Variants in ADAMTS1 observed in about 807,000 individuals in gnomAD.
ADAMTS1 encodes the protein ADAM metallopeptidase with thrombospondin type 1 motif 1, also known as A disintegrin and metalloproteinase with thrombospondin motifs 1.
ADAMTS1 carries 19 observed loss-of-function variants against 87.9 expected under a neutral mutation model. The observed-to-expected ratio is 0.22, with a 90% CI of 0.15 to 0.32. The LOEUF (loss-of-function observed/expected upper bound fraction) is 0.32. Among genes scored for constraint, ADAMTS1 ranks in the 10% least tolerant of loss-of-function variants. ADAMTS1 has a pLI of 1.00. For synonymous variants in ADAMTS1, 542 were observed against 501.8 expected (o/e 1.08, Z -1.07); for missense variants, 1,240 against 1,259.1 (o/e 0.98, Z 0.23).
In ADAMTS1 at chr21:26,841,136, C is replaced by G; in HGVS notation, c.1240G>C (p.Ala414Pro). 6.2e-7 allele frequency: 1 copy of G among 1,614,138 alleles called. No individual in the cohort carries two copies. The highest frequency in any genetic ancestry group is 8.5e-7 in the Non-Finnish European group (1 of 1,180,024). Residue 414 changes from alanine (A) to proline (P), a missense_variant, in exon 4 of 9, where the codon GCA becomes CCA. Transcript: ENST00000284984. ...GHVFNMPHDDAKQCASLNGVN... is the reference protein window; with the variant it reads ...GHVFNMPHDDPKQCASLNGVN... ...CCATTAAGGCTGGCACACTGCTTTGCATCATCATGTGGCATGTTAAACACG... is the reference window on the plus strand; with the variant it reads ...CCATTAAGGCTGGCACACTGCTTTGGATCATCATGTGGCATGTTAAACACG...
chr21:26,844,208 G>C lies in ADAMTS1; in HGVS notation c.730+17C>G. 1 of 1,527,454 alleles carries C rather than the reference G, an allele frequency of 6.5e-7. No individual in the cohort carries two copies. Among genetic ancestry groups the C allele is most frequent in the Non-Finnish European group, 8.8e-7 (1 of 1,137,192 alleles). 94.6% of individuals were successfully genotyped at this position (1,527,454 alleles called of 1,614,324 possible). On this transcript the variant is annotated intron_variant, in intron 1 of 8. Transcript: ENST00000284984. ...GAGGAGGATGAATGGACAGACAAACGAGAGCAATTCTTCTACCTGTGGGCT... is the reference window on the plus strand; with the variant it reads ...GAGGAGGATGAATGGACAGACAAACCAGAGCAATTCTTCTACCTGTGGGCT...
chr21:26,837,788 C>T lies in ADAMTS1; in HGVS notation c.2695G>A (p.Ala899Thr), dbSNP rs1213068517. 1 of 1,614,084 alleles carries T rather than the reference C, an allele frequency of 6.2e-7. No individual in the cohort carries two copies. Among genetic ancestry groups the T allele is most frequent in the African/African-American group, 1.3e-5 (1 of 74,934 alleles). ...ASECAKEVKP[A>T]STRPCADHPC... is the part of the protein sequence containing the mutation. Reference sequence around the variant, plus strand: ...TGGTCTGCACAAGGTCTGGTGCTGGCTGGCTTCACTTCCTTTGCACACTCG... The same window carrying T: ...TGGTCTGCACAAGGTCTGGTGCTGGTTGGCTTCACTTCCTTTGCACACTCG... The change falls in exon 9 of 9, where the codon GCC becomes ACC. Residue 899 changes from alanine to threonine, a missense_variant. Physicochemically the swap from Ala to Thr is moderately conservative, Grantham distance 58. Coordinates refer to ENST00000284984, the MANE Select transcript of ADAMTS1 (RefSeq NM_006988.5).
In ADAMTS1 at chr21:26,845,380, C is replaced by T. The variant is rs952532861; in HGVS notation, c.-426G>A. On this transcript the variant is annotated 5_prime_UTR_variant, in exon 1 of 9. Transcript: ENST00000284984. Reference sequence around the variant, plus strand: ...AGCGCACCCTGGCTTTGCAATAGCCCCTGGCTCGGAGCCGCTTTCCAGCGA... The same window carrying T: ...AGCGCACCCTGGCTTTGCAATAGCCTCTGGCTCGGAGCCGCTTTCCAGCGA... 4.8e-5 allele frequency: 8 copies of T among 166,170 alleles called. No individual in the cohort carries two copies. The highest frequency in any genetic ancestry group is 1.9e-4 in the African/African-American group (8 of 42,226). 10.3% of individuals were successfully genotyped at this position (166,170 alleles called of 1,614,324 possible).
chr21:26,845,031 C>A lies in ADAMTS1; in HGVS notation c.-77G>T. ...AGTTCGGGTCGGGAGAGCAAAGCCTCGTTGGCCTGCTCTGGATTGTTAAAA... is the reference window on the plus strand; with the variant it reads ...AGTTCGGGTCGGGAGAGCAAAGCCTAGTTGGCCTGCTCTGGATTGTTAAAA... On this transcript the variant is annotated 5_prime_UTR_variant, in exon 1 of 9. Coordinates refer to ENST00000284984, the MANE Select transcript of ADAMTS1 (RefSeq NM_006988.5). 2 of 1,449,320 alleles carry A rather than the reference C, an allele frequency of 1.4e-6. No individual in the cohort carries two copies. The highest frequency in any genetic ancestry group is 3.1e-5 in the South Asian group (2 of 64,276). 89.8% of individuals were successfully genotyped at this position (1,449,320 alleles called of 1,614,324 possible). A position where few individuals can be genotyped will look rare whatever the true frequency, so the allele number is the denominator to read the frequency against.
In ADAMTS1 at chr21:26,844,360, C is replaced by T; in HGVS notation, c.595G>A (p.Gly199Arg). 5 of 1,598,158 alleles carry T rather than the reference C, an allele frequency of 3.1e-6. No homozygotes were observed. Among genetic ancestry groups the T allele is most frequent in the South Asian group, 1.1e-5 (1 of 89,258 alleles). ...NRQGDVGGTC[G>R]VVDDEPRPTG... ...GGCCGGGGCTCGTCGTCCACGACCC[C>T]GCACGTGCCGCCGACGTCGCCCTGC... The change falls in exon 1 of 9, where the codon GGG becomes AGG. Residue 199 changes from glycine to arginine, a missense_variant. Physicochemically the swap from Gly to Arg is moderately radical, Grantham distance 125. Coordinates refer to ENST00000284984, the MANE Select transcript of ADAMTS1 (RefSeq NM_006988.5).
intron 1 of ADAMTS1, 98 bp downstream of exon 1, chr21:26,844,127 T>C (rs1601924492): frequency 7.0e-7 from 1 of 1,436,094 alleles, no homozygotes. Flanking sequence ...GGACTTATGA[T>C]CCTGCCTGCC....
At chr21:26,838,412 T>TAAA (rs1337296442) in intron 8 of ADAMTS1, 27 bp downstream of exon 8, 1 of 1,613,028 alleles carries the variant, frequency 6.2e-7, no homozygotes, top group Admixed American at 1.7e-5. Context: ...AATTATAAGG[T>TAAA]CTGCAAATAG....
intron 5 of ADAMTS1, 24 bp downstream of exon 5, chr21:26,840,252 A>G (rs757537023): frequency 6.2e-7 from 1 of 1,603,936 alleles, no homozygotes; most frequent in Admixed American, 1.7e-5. Context: ...TCAATTCTGA[A>G]TGTGTTTCAG....
chr21:26,835,941 T>C lies in ADAMTS1; in HGVS notation c.*1638A>G, dbSNP rs1601920279. ...CACAGTTGAGCAGTTGTGACATAGATGGTATTGACAGGATAGTTATTGACA... is the reference window on the plus strand; with the variant it reads ...CACAGTTGAGCAGTTGTGACATAGACGGTATTGACAGGATAGTTATTGACA... On this transcript the variant is annotated 3_prime_UTR_variant, in exon 9 of 9. Transcript: ENST00000284984. 6.6e-6 allele frequency: 1 copy of C among 152,342 alleles called. No homozygotes were observed. Among genetic ancestry groups the C allele is most frequent in the Non-Finnish European group, 1.5e-5 (1 of 68,030 alleles). 9.4% of individuals were successfully genotyped at this position (152,342 alleles called of 1,614,324 possible). A position where few individuals can be genotyped will look rare whatever the true frequency, so the allele number is the denominator to read the frequency against.
chr21:26,843,048 C>A (rs770335342), intron 1 of ADAMTS1: 103 of 282,886 alleles, frequency 3.6e-4, no homozygotes, highest in Non-Finnish European at 6.5e-4. Flanking sequence ...GTCACTCTTT[C>A]ACAGGCGAGG....
intron 3 of ADAMTS1, 191 bp from the exon 4 acceptor site, chr21:26,841,356 G>C (rs1432493476): frequency 3.7e-6 from 2 of 540,158 alleles, no homozygotes; most frequent in Admixed American, 3.3e-5. Context: ...GCATGCACCT[G>C]TAATCCCAGC....
chr21:26,843,222 G>A (rs913406817), intron 1 of ADAMTS1, among the ~76,000 whole-genome samples: 1 of 152,164 alleles, frequency 6.6e-6, no homozygotes, highest in Non-Finnish European at 1.5e-5. Flanking sequence ...CCGGGCACAA[G>A]GACCACCCAC....
Position 26,845,129 on chromosome 21 carries a change from G to T in ADAMTS1, c.-175C>A. On this transcript the variant is annotated 5_prime_UTR_variant, in exon 1 of 9. Transcript: ENST00000284984. The stretch of plus-strand genomic sequence containing the variant: ...GCCGAAGCTCCCGGAGTCACTAAAA[G>T]GAGGCGCTGCAGTTCTGCCGGCGCG... 1 of 843,154 alleles carries T rather than the reference G, an allele frequency of 1.2e-6. No homozygotes were observed. The highest frequency in any genetic ancestry group is 1.6e-6 in the Non-Finnish European group (1 of 625,450). The allele number at this position is 843,154 out of a possible 1,614,324, so 52.2% of individuals were successfully genotyped here. A position where few individuals can be genotyped will look rare whatever the true frequency, so the allele number is the denominator to read the frequency against.
At position 26,839,895 on chromosome 21, in the gene ADAMTS1, T is replaced by A. The variant is rs1985454672; in HGVS notation, c.1832A>T (p.Glu611Val). The change falls in exon 6 of 9, where the codon GAG becomes GTG. Residue 611 changes from glutamate to valine, a missense_variant. Physicochemically the swap from Glu to Val is moderately radical, Grantham distance 121 (BLOSUM62 -2). Coordinates refer to ENST00000284984, the MANE Select transcript of ADAMTS1 (RefSeq NM_006988.5). ...KRVRYRSCNL[E>V]DCPDNNGKTF... ...CTCACCATTATTGTCTGGACAGTCC[T>A]CAAGGTTACAGGATCTGTAGCGCAC... is the stretch of plus-strand genomic sequence containing the variant. 1 of 1,614,074 alleles carries A rather than the reference T, an allele frequency of 6.2e-7. No homozygotes were observed. The highest frequency in any genetic ancestry group is 1.7e-5 in the Admixed American group (1 of 60,016).
At position 26,837,146 on chromosome 21, in the gene ADAMTS1, A is replaced by T. The variant is rs146185081; in HGVS notation, c.*433T>A. On this transcript the variant is annotated 3_prime_UTR_variant, in exon 9 of 9. Coordinates refer to ENST00000284984, the MANE Select transcript of ADAMTS1 (RefSeq NM_006988.5). ...TTCTCCCCCCATTGTTAGTGAGGTA[A>T]AGTAAAACAGGTCTTAGTAAAATCT... is the stretch of plus-strand genomic sequence containing the variant. The T allele has an allele frequency of 3.6e-3, 600 of 166,656 alleles. 16 individuals are homozygous for T. Among genetic ancestry groups the T allele is most frequent in the Admixed American group, 0.026 (468 of 18,146 alleles). 10.3% of individuals were successfully genotyped at this position (166,656 alleles called of 1,614,324 possible).
At chr21:26,838,415 G>C in intron 8 of ADAMTS1, 24 bp downstream of exon 8, 2 of 1,613,318 alleles carry the variant, frequency 1.2e-6, no homozygotes, top group Non-Finnish European at 1.7e-6. Flanking sequence ...TATAAGGTCT[G>C]CAAATAGGTG....
In ADAMTS1 at chr21:26,844,795, A is replaced by G; in HGVS notation, c.160T>C (p.Ser54Pro). 1 of 1,545,484 alleles carries G rather than the reference A, an allele frequency of 6.5e-7. No homozygotes were observed. Among genetic ancestry groups the G allele is most frequent in the Non-Finnish European group, 8.7e-7 (1 of 1,144,198 alleles). ...LAVSDALGRP[S>P]EEDEELVVPE... The stretch of plus-strand genomic sequence containing the variant: ...ACCACTAGCTCCTCGTCCTCCTCGG[A>G]GGGGCGCCCGAGTGCGTCCGACACG... Residue 54 changes from serine to proline, a missense_variant, in exon 1 of 9, where the codon TCC becomes CCC. Transcript: ENST00000284984.
chr21:26,844,432 C>A lies in ADAMTS1; in HGVS notation c.523G>T (p.Glu175Ter). Residue 175 changes from glutamate to a stop codon, truncating the protein, a stop_gained, in exon 1 of 9, where the codon GAG becomes TAG. Coordinates refer to ENST00000284984, the MANE Select transcript of ADAMTS1 (RefSeq NM_006988.5). LOFTEE classifies it high-confidence loss of function. The stretch of plus-strand genomic sequence containing the variant: ...AACTGTAGTGGTGCCGGCGGCTTCT[C>A]CCCTGGGGCGGCGGTGGCGAGGCGC... ...SERLATAAPG[E>*]KPPAPLQFHL... The A allele has an allele frequency of 6.3e-7, 1 of 1,588,322 alleles. No homozygotes were observed. Among genetic ancestry groups the A allele is most frequent in the Non-Finnish European group, 8.6e-7 (1 of 1,167,596 alleles).
rs1270059444 is a variant in ADAMTS1, at chr21:26,841,926, G to A, written c.1142C>T (p.Pro381Leu). Residue 381 changes from proline (P) to leucine (L), a missense_variant, in exon 3 of 9, where the codon CCG (proline) becomes CTG (leucine). Physicochemically the swap from Pro to Leu is moderately conservative, Grantham distance 98 (BLOSUM62 -3). Transcript: ENST00000284984. ...TTCTATGACGGAGCAGCTTCTGCTC[G>A]GATCACACACAGTTCCAACATCAGC... ...GMADVGTVCDPSRSCSVIEDD... is the reference protein window; with the variant it reads ...GMADVGTVCDLSRSCSVIEDD... The A allele has an allele frequency of 1.2e-5, 20 of 1,613,922 alleles. No individual in the cohort carries two copies. Among genetic ancestry groups the A allele is most frequent in the East Asian group, 2.2e-5 (1 of 44,868 alleles).
Sources: allele counts gnomAD v4.1 joint callset (sites outside exome capture counted in the v4.1 genomes callset), GRCh38; gene constraint gnomAD v4.1.1; transcripts MANE v1.5; gene names NCBI Gene and HGNC (gene_info 2026-07-23, HGNC 2026-07-21).